The following PRKCE variants were observed in gnomAD, a reference collection of about 807,000 sequenced individuals.
PRKCE encodes protein kinase C epsilon type.
A neutral mutation model predicts 85.4 loss-of-function variants in PRKCE; 16 were observed. That is an observed-to-expected ratio of 0.19 (90% confidence interval 0.13 to 0.28). The LOEUF (loss-of-function observed/expected upper bound fraction) is 0.28, where lower values mean the gene tolerates loss of function less well. Among genes scored for constraint, PRKCE ranks in the 10% least tolerant of loss-of-function variants. The pLI is 1.00. For synonymous variants in PRKCE, 388 were observed against 371.5 expected (o/e 1.04, Z -0.51); for missense variants, 573 against 975.2 (o/e 0.59, Z 5.49).
intron 1 of PRKCE, among the ~76,000 whole-genome samples, chr2:45,793,609 C>A (rs576650205): frequency 1.3e-5 from 2 of 152,302 alleles, no homozygotes; most frequent in African/African-American, 4.8e-5. Flanking sequence ...GATGCTCTGG[C>A]CTTTGAGTTC....
At chr2:45,684,843 A>G (rs11686869) in intron 1 of PRKCE, among the ~76,000 whole-genome samples, 14,522 of 152,240 alleles carry the variant, frequency 0.095, 927 homozygotes, top group Non-Finnish European at 0.13. Flanking sequence ...AGTCAACCCC[A>G]TTTGTAATTT....
In PRKCE at chr2:46,073,394, T is replaced by C. The variant is rs115277401; in HGVS notation, c.1438-12814T>C. On this transcript the variant is annotated intron_variant, in intron 10 of 14. Transcript: ENST00000306156. The stretch of plus-strand genomic sequence containing the variant: ...GAAATCCTTCAAATATTTTAAGAGT[T>C]TCTCTTCAGTTTGTCCTTTGTCTGA... 6.8e-4 allele frequency: 103 copies of C among 152,314 alleles called. 2 individuals carry two copies. The highest frequency in any genetic ancestry group is 2.3e-3 in the African/African-American group (96 of 41,556). The allele number at this position is 152,314 out of a possible 1,614,324, so 9.4% of individuals were successfully genotyped here. A position where few individuals can be genotyped will look rare whatever the true frequency, so the allele number is the denominator to read the frequency against.
At chr2:45,661,479 C>A (rs184133656) in intron 1 of PRKCE, among the ~76,000 whole-genome samples, 20 of 147,376 alleles carry the variant, frequency 1.4e-4, no homozygotes, top group Admixed American at 1.2e-3. Context: ...TGAGCCACTG[C>A]GCCTGGCTTC....
At chr2:45,959,134 A>C (rs974209911) in intron 2 of PRKCE, among the ~76,000 whole-genome samples, 34 of 151,962 alleles carry the variant, frequency 2.2e-4, no homozygotes, top group African/African-American at 7.7e-4. Flanking sequence ...TTAGCTTTTA[A>C]AATGCACCGT....
At chr2:45,784,813 T>G (rs1234851978) in intron 1 of PRKCE, among the ~76,000 whole-genome samples, 1 of 152,174 alleles carries the variant, frequency 6.6e-6, no homozygotes, top group South Asian at 2.1e-4. Flanking sequence ...TTGACTTTGG[T>G]TGGGTACTTG....
At chr2:45,967,855 A>G (rs1364880258) in intron 2 of PRKCE, among the ~76,000 whole-genome samples, 2 of 152,186 alleles carry the variant, frequency 1.3e-5, no homozygotes, top group East Asian at 3.8e-4. Context: ...GATATGAGGC[A>G]GGTTTTGGGA....
chr2:45,982,055 A>G (rs372964887), intron 5 of PRKCE, among the ~76,000 whole-genome samples: 1 of 152,240 alleles, frequency 6.6e-6, no homozygotes, highest in Admixed American at 6.5e-5. Flanking sequence ...CCCAAACTTG[A>G]CATGTATCAC....
chr2:46,156,073 A>G (rs1046770371), intron 13 of PRKCE, among the ~76,000 whole-genome samples: 2 of 151,322 alleles, frequency 1.3e-5, no homozygotes, highest in Admixed American at 6.6e-5. Flanking sequence ...AAAAAAAAAA[A>G]AGAATGCAAA....
intron 2 of PRKCE, among the ~76,000 whole-genome samples, chr2:45,846,701 G>T (rs148126068): frequency 6.6e-6 from 1 of 152,188 alleles, no homozygotes; most frequent in Non-Finnish European, 1.5e-5. Flanking sequence ...AGGAGAAAGA[G>T]CACAGCCTTA....
intron 10 of PRKCE, among the ~76,000 whole-genome samples, chr2:46,027,210 C>A (rs1707180339): frequency 6.6e-6 from 1 of 152,082 alleles, no homozygotes; most frequent in Non-Finnish European, 1.5e-5. Context: ...TGGCACACAC[C>A]TGTAGTCCCA....
rs2104111227 is a variant in PRKCE, at chr2:45,694,115, A to T, written c.348+41667A>T. Among the ~76,000 whole-genome samples, 2 of 151,332 alleles carry T rather than the reference A, an allele frequency of 1.3e-5. 1 individual carries two copies. Among genetic ancestry groups the T allele is most frequent in the South Asian group, 4.2e-4 (2 of 4,712 alleles). On this transcript the variant is annotated intron_variant, in intron 1 of 14. Transcript: ENST00000306156. ...AACGATATGAGGATGAGAGGCTTAC[A>T]CCTCAGCTCCAAGAGCTTCCCATAG...
intron 10 of PRKCE, among the ~76,000 whole-genome samples, chr2:46,052,594 C>A (rs1440150191): frequency 2.0e-5 from 3 of 152,190 alleles, no homozygotes; most frequent in Non-Finnish European, 4.4e-5. Flanking sequence ...ACATTCAATG[C>A]AGTCCCTAGT....
At chr2:46,025,275 G>A (rs546905941) in intron 10 of PRKCE, among the ~76,000 whole-genome samples, 1 of 152,316 alleles carries the variant, frequency 6.6e-6, no homozygotes, top group African/African-American at 2.4e-5. Flanking sequence ...TGCAGGAGCA[G>A]TACCAGGGAA....
chr2:45,695,873 C>T lies in PRKCE; in HGVS notation c.348+43425C>T, dbSNP rs143724402. On this transcript the variant is annotated intron_variant, in intron 1 of 14. Coordinates refer to ENST00000306156, the MANE Select transcript of PRKCE (RefSeq NM_005400.3). ...AGCAGAAAAAAGAAACAGATTTTAA[C>T]GTCAGGCTGACAAGAGTTTATTGTA... is the stretch of plus-strand genomic sequence containing the variant. 2.8e-4 allele frequency among the ~76,000 whole-genome samples: 43 copies of T among 152,266 alleles called. No homozygotes were observed. In the East Asian group the frequency reaches 6.6e-3, roughly 23 times the overall value.
chr2:45,972,465 G>T (rs1702173160), intron 2 of PRKCE, among the ~76,000 whole-genome samples: 1 of 152,102 alleles, frequency 6.6e-6, no homozygotes, highest in South Asian at 2.1e-4. Flanking sequence ...AAGCTTTTTA[G>T]TTTGATGTAG....
In PRKCE at chr2:46,184,939, T is replaced by C; in HGVS notation, c.*58T>C. 1 of 1,587,488 alleles carries C rather than the reference T, an allele frequency of 6.3e-7. No homozygotes were observed. Among genetic ancestry groups the C allele is most frequent in the Middle Eastern group, 1.7e-4 (1 of 5,850 alleles). On this transcript the variant is annotated 3_prime_UTR_variant, in exon 15 of 15. Transcript: ENST00000306156. This position sits in a 1 kb window ranked among gnomAD's most constrained non-coding sequence, Gnocchi z 5.0. ...CAAGAAGGGGTGCAGAGAAGACTCC[T>C]GTGTTGGAGACACTCAGCAGGTCTT...
In PRKCE at chr2:46,001,252, CAT is replaced by C. The variant is rs35088567; in HGVS notation, c.824-133_824-132del. The C allele has an allele frequency of 0.048, 16,905 of 355,556 alleles. 1 individual carries two copies. The highest frequency in any genetic ancestry group is 0.096 in the East Asian group (1,232 of 12,888). 22.0% of individuals were successfully genotyped at this position (355,556 alleles called of 1,614,324 possible). On this transcript the variant is annotated intron_variant, in intron 6 of 14. Coordinates refer to ENST00000306156, the MANE Select transcript of PRKCE (RefSeq NM_005400.3). This position sits in a 1 kb window ranked among gnomAD's most constrained non-coding sequence, Gnocchi z 4.4. Reference sequence around the variant, plus strand: ...GATTTTGGTTTTGTATGATGGAAGACATATATATATATATATATATTTCTGTA... The same window carrying C: ...GATTTTGGTTTTGTATGATGGAAGACATATATATATATATATATTTCTGTA...
At chr2:46,078,365 T>C (rs1205559545) in intron 10 of PRKCE, 2 of 137,062 alleles carry the variant, frequency 1.5e-5, no homozygotes, top group African/African-American at 6.2e-5. Context: ...GCAAGACTCT[T>C]GTCTCTAAAA....
chr2:46,158,845 T>C (rs1677467790), intron 13 of PRKCE, among the ~76,000 whole-genome samples: 1 of 152,184 alleles, frequency 6.6e-6, no homozygotes, highest in Non-Finnish European at 1.5e-5. Context: ...CTCAATTAAA[T>C]TAACGTTTAC....
Sources: gnomAD v4.1 joint callset for allele counts (sites outside exome capture counted in the v4.1 genomes callset) on GRCh38, gnomAD v4.1.1 for gene constraint, Gnocchi (gnomAD v3.1) non-coding constraint, MANE v1.5 for transcripts, NCBI Gene and HGNC (gene_info 2026-07-23, HGNC 2026-07-21) for gene names.